SLC2A12: variants seen among roughly 807,000 people sequenced by gnomAD.
The protein encoded by SLC2A12 is solute carrier family 2 member 12.
SLC2A12 carries 23 observed loss-of-function variants against 41.8 expected under a neutral mutation model. The observed-to-expected ratio is 0.55, with a 90% CI of 0.40 to 0.78. The LOEUF (loss-of-function observed/expected upper bound fraction) is 0.78, where lower values mean the gene tolerates loss of function less well. SLC2A12 is among the 30% of genes least tolerant of loss of function. The pLI is 0.00. For synonymous variants in SLC2A12, 295 were observed against 285.9 expected (o/e 1.03, Z -0.32); for missense variants, 654 against 745.6 (o/e 0.88, Z 1.43).
intron 1 of SLC2A12, among the ~76,000 whole-genome samples, chr6:134,044,088 G>A (rs1255389669): frequency 6.6e-6 from 1 of 152,062 alleles, no homozygotes; most frequent in Admixed American, 6.5e-5. Flanking sequence ...TAAAACTACT[G>A]GCCTCAGTTA....
chr6:133,991,389 A>G (rs1435780687), intron 4 of SLC2A12, 81 bp from the exon 5 acceptor site: 2 of 1,435,788 alleles, frequency 1.4e-6, no homozygotes, highest in Admixed American at 2.2e-5. Flanking sequence ...TTTTTAAACC[A>G]CCCTGGGGCT....
rs1777150267 is a variant in SLC2A12 at position 134,028,730 on chromosome 6, A to G, written c.1095T>C (p.Asn365=). The change falls in exon 2 of 5, where the codon AAT becomes AAC. Residue 365 remains asparagine, a synonymous_variant. Coordinates refer to ENST00000275230, the MANE Select transcript of SLC2A12 (RefSeq NM_145176.3). The part of the protein sequence containing the change: ...AASLVTMGIV[N]LNIHMNFTHI... ...GGGTGAAGTTCATGTGGATGTTGAG[A>G]TTTACGATGCCCATGGTCACCAACG... 6.2e-7 allele frequency: 1 copy of G among 1,613,972 alleles called. No homozygotes were observed. The highest frequency in any genetic ancestry group is 8.5e-7 in the Non-Finnish European group (1 of 1,180,024).
At position 134,029,202 on chromosome 6, in the gene SLC2A12, A is replaced by G. The variant is rs371509471; in HGVS notation, c.623T>C (p.Val208Ala). 13 of 1,613,982 alleles carry G rather than the reference A, an allele frequency of 8.1e-6. No homozygotes were observed. Among genetic ancestry groups the G allele is most frequent in the Non-Finnish European group, 1.1e-5 (13 of 1,180,044 alleles). The change falls in exon 2 of 5, where the codon GTT (valine) becomes GCT (alanine). Residue 208 changes from valine (V) to alanine (A), a missense_variant. This residue lies in a region of SLC2A12 where 411 missense variants were observed against 412.1 expected (regional missense o/e 1.00). Coordinates refer to ENST00000275230, the MANE Select transcript of SLC2A12 (RefSeq NM_145176.3). ...AAAATACATTGCAATTGCTTGCAAA[A>G]CTCCCAAGGGAATCACAAGACCAAA... ...YMFGLVIPLGVLQAIAMYFLP... is the reference protein window; with the variant it reads ...YMFGLVIPLGALQAIAMYFLP...
chr6:134,037,408 G>A (rs1188254075), intron 1 of SLC2A12, among the ~76,000 whole-genome samples: 1 of 151,602 alleles, frequency 6.6e-6, no homozygotes, highest in African/African-American at 2.4e-5. Context: ...TCGCCAGGCT[G>A]GAGTGCAGTG....
intron 1 of SLC2A12, among the ~76,000 whole-genome samples, chr6:134,033,154 G>C (rs1248479632): frequency 1.3e-5 from 2 of 151,944 alleles, no homozygotes; most frequent in African/African-American, 4.8e-5. Context: ...TACAGAGGGG[G>C]CACTTCAAGT....
chr6:134,038,353 C>CT (rs10584884), intron 1 of SLC2A12, among the ~76,000 whole-genome samples: 1,201 of 97,490 alleles, frequency 0.012, 181 homozygotes, highest in African/African-American at 0.03. Flanking sequence ...TTCTTTCTGC[C>CT]TTTTTTTTTT....
intron 2 of SLC2A12, among the ~76,000 whole-genome samples, chr6:134,025,628 C>G (rs896999255): frequency 5.3e-5 from 8 of 152,324 alleles, no homozygotes; most frequent in African/African-American, 1.9e-4. Context: ...TCACTGCAAC[C>G]TCTGCCTCCC....
In SLC2A12 at chr6:134,019,570, A is replaced by C. The variant is rs73550569; in HGVS notation, c.1444+8811T>G. ...GTTATGGACAACAGAGTGTTTAATA[A>C]GTATATATCCTGATTTTGTTTGACA... On this transcript the variant is annotated intron_variant, in intron 2 of 4. Transcript: ENST00000275230. 1.3e-3 allele frequency among the ~76,000 whole-genome samples: 191 copies of C among 152,362 alleles called. No homozygotes were observed. In the Middle Eastern group the frequency reaches 0.014, roughly 11 times the overall value.
intron 1 of SLC2A12, among the ~76,000 whole-genome samples, chr6:134,052,143 C>G (rs988861035): frequency 6.6e-6 from 1 of 152,008 alleles, no homozygotes; most frequent in African/African-American, 2.4e-5. Context: ...AAGGTTCCAC[C>G]AAGACTTCGA....
At chr6:134,047,334 C>T (rs1777471744) in intron 1 of SLC2A12, among the ~76,000 whole-genome samples, 1 of 152,010 alleles carries the variant, frequency 6.6e-6, no homozygotes, top group African/African-American at 2.4e-5. Context: ...TAATGGAGGG[C>T]CCTTTAGAGC....
In SLC2A12 at chr6:134,029,432, C is replaced by G; in HGVS notation, c.393G>C (p.Thr131=). Reference sequence around the variant, plus strand: ...TGGCAATGCGTCCCACTATAAGAACCGTGTAGGATAAACTGAGGATCAAGA... The same window carrying G: ...TGGCAATGCGTCCCACTATAAGAACGGTGTAGGATAAACTGAGGATCAAGA... ...SLVLILSLSY[T]VLIVGRIAIG... is the part of the protein sequence containing the mutation. The change falls in exon 2 of 5, where the codon ACG becomes ACC. Residue 131 remains threonine (T), a synonymous_variant. Transcript: ENST00000275230. 1 of 1,614,042 alleles carries G rather than the reference C, an allele frequency of 6.2e-7. No individual in the cohort carries two copies.
At chr6:134,016,549 T>G (rs1776965362) in intron 2 of SLC2A12, among the ~76,000 whole-genome samples, 1 of 152,058 alleles carries the variant, frequency 6.6e-6, no homozygotes, top group African/African-American at 2.4e-5. Flanking sequence ...ATCTTGTGTT[T>G]TTTGTCAACA....
chr6:134,040,065 T>G lies in SLC2A12; in HGVS notation c.104-10344A>C, dbSNP rs533507113. On this transcript the variant is annotated intron_variant, in intron 1 of 4. Transcript: ENST00000275230. The stretch of plus-strand genomic sequence containing the variant: ...CTCAGGTTGTTGTTTTTTGTTTTTT[T>G]TTTTTTGTTTTTTGTTTTTTGTTTT... Among the ~76,000 whole-genome samples, 211 of 151,140 alleles carry G rather than the reference T, an allele frequency of 1.4e-3. 2 individuals carry two copies. Among genetic ancestry groups the G allele is most frequent in the East Asian group, 5.6e-3 (29 of 5,146 alleles).
At chr6:133,999,563 C>T (rs1435457935) in intron 4 of SLC2A12, among the ~76,000 whole-genome samples, 1 of 152,058 alleles carries the variant, frequency 6.6e-6, no homozygotes, top group Non-Finnish European at 1.5e-5. Context: ...GGAAAGTTGC[C>T]CTGAGTTTGA....
rs562631502 is a variant in SLC2A12 at position 134,051,831 on chromosome 6, G to A, written c.103+547C>T. On this transcript the variant is annotated intron_variant, in intron 1 of 4. Transcript: ENST00000275230. Reference sequence around the variant, plus strand: ...CGCTCAAATTCATCACAAACGTGCTGGGAATTTAAAAAGGAAGTTTGTGTT... The same window carrying A: ...CGCTCAAATTCATCACAAACGTGCTAGGAATTTAAAAAGGAAGTTTGTGTT... Among the ~76,000 whole-genome samples, 23 of 152,242 alleles carry A rather than the reference G, an allele frequency of 1.5e-4. 1 individual carries two copies. In the East Asian group the frequency reaches 4.4e-3, roughly 29 times the overall value.
At position 133,987,642 on chromosome 6, in the gene SLC2A12, G is replaced by GTATATATA. The variant is rs1486152408; in HGVS notation, c.*3512_*3513insTATATATA. 3 of 130,440 alleles carry GTATATATA rather than the reference G, an allele frequency of 2.3e-5. No homozygotes were observed. Among genetic ancestry groups the GTATATATA allele is most frequent in the African/African-American group, 9.3e-5 (3 of 32,274 alleles). 8.1% of individuals were successfully genotyped at this position (130,440 alleles called of 1,614,324 possible). On this transcript the variant is annotated 3_prime_UTR_variant, in exon 5 of 5. Coordinates refer to ENST00000275230, the MANE Select transcript of SLC2A12 (RefSeq NM_145176.3). ...GTGTATTTTGTGTGTGTGTGTGTGT[G>GTATATATA]TGTGTGTATATATATATATATATAT...
At chr6:133,995,056 C>T (rs1776670310) in intron 4 of SLC2A12, among the ~76,000 whole-genome samples, 1 of 152,184 alleles carries the variant, frequency 6.6e-6, no homozygotes, top group Admixed American at 6.5e-5. Context: ...CCATAACAGT[C>T]TCACTGGAGC....
chr6:134,044,502 TC>T (rs1260313223), intron 1 of SLC2A12, among the ~76,000 whole-genome samples: 1 of 152,032 alleles, frequency 6.6e-6, no homozygotes, highest in Non-Finnish European at 1.5e-5. Flanking sequence ...TCACTTGAGG[TC>T]AGGAGTTTGA....
chr6:134,015,722 T>C (rs1776951730), intron 2 of SLC2A12, among the ~76,000 whole-genome samples: 2 of 152,308 alleles, frequency 1.3e-5, no homozygotes, highest in African/African-American at 4.8e-5. Context: ...CCTCTTTGCC[T>C]TAAACCCAGT....
Sources: allele counts gnomAD v4.1 joint callset (sites outside exome capture counted in the v4.1 genomes callset), GRCh38; gene constraint gnomAD v4.1.1; regional missense constraint gnomAD v4.1.1; transcripts MANE v1.5; gene names NCBI Gene and HGNC (gene_info 2026-07-23, HGNC 2026-07-21).